RNF130: variants seen among roughly 807,000 people sequenced by gnomAD.
RNF130 encodes E3 ubiquitin-protein ligase RNF130.
In RNF130, 21 loss-of-function variants were observed where a neutral mutation model predicts 44.6. The observed-to-expected ratio is 0.47, with a 90% CI of 0.33 to 0.68. The LOEUF is 0.68. RNF130 is among the 30% of genes least tolerant of loss of function. RNF130 has a pLI of 0.02. For missense variants in RNF130, 479 were observed against 560.6 expected (o/e 0.85, Z 1.47); for synonymous variants, 214 against 210.4 (o/e 1.02, Z -0.15).
intron 1 of RNF130, among the ~76,000 whole-genome samples, chr5:180,052,178 T>C (rs1036023828): frequency 6.6e-6 from 1 of 152,218 alleles, no homozygotes; most frequent in Non-Finnish European, 1.5e-5. Flanking sequence ...TCCACTCCCC[T>C]GCCTTCGACT....
chr5:179,983,333 C>CTTTTT (rs35802224), intron 3 of RNF130, among the ~76,000 whole-genome samples: 3 of 108,398 alleles, frequency 2.8e-5, no homozygotes, highest in Non-Finnish European at 5.6e-5. Context: ...TACAGATGAA[C>CTTTTT]TTTTTTTTTT....
chr5:179,980,248 A>G lies in RNF130; in HGVS notation c.694-48T>C. 2.0e-6 allele frequency: 3 copies of G among 1,523,874 alleles called. No individual in the cohort carries two copies. In the South Asian group the frequency reaches 3.4e-5, roughly 17 times the overall value. 94.4% of individuals were successfully genotyped at this position (1,523,874 alleles called of 1,614,324 possible). A position where few individuals can be genotyped will look rare whatever the true frequency, so the allele number is the denominator to read the frequency against. On this transcript the variant is annotated intron_variant, in intron 3 of 8. Transcript: ENST00000521389. ...CAGATACTAAGTGTAAGATCTCTGA[A>G]TGACGTACTTTATTTTTAAGCAATT...
intron 1 of RNF130, among the ~76,000 whole-genome samples, chr5:180,053,186 G>C (rs956172097): frequency 4.6e-5 from 7 of 151,972 alleles, no homozygotes; most frequent in Non-Finnish European, 8.8e-5. Flanking sequence ...GACAGGATAG[G>C]GCATGGACAG....
intron 7 of RNF130, among the ~76,000 whole-genome samples, chr5:179,944,053 C>G (rs1407049408): frequency 6.6e-6 from 1 of 151,646 alleles, no homozygotes; most frequent in African/African-American, 2.4e-5. Flanking sequence ...CTCACTGCAA[C>G]CTCCGCCTCC....
chr5:179,994,193 G>GGC (rs1208166321), intron 3 of RNF130, among the ~76,000 whole-genome samples: 8 of 151,834 alleles, frequency 5.3e-5, no homozygotes, highest in African/African-American at 1.7e-4. Flanking sequence ...GGCTTATGCG[G>GGC]GCTCTTTTTT....
chr5:179,980,512 T>C lies in RNF130; in HGVS notation c.694-312A>G, dbSNP rs943788843. On this transcript the variant is annotated intron_variant, in intron 3 of 8. Coordinates refer to ENST00000521389, the MANE Select transcript of RNF130 (RefSeq NM_018434.6). ...TTGTGTCGAATAAACATTTGAAACA[T>C]CACAGCACTATCAAACCTACTTCTT... is the stretch of plus-strand genomic sequence containing the variant. 6 of 316,348 alleles carry C rather than the reference T, an allele frequency of 1.9e-5. No individual in the cohort carries two copies. The Admixed American group carries it at 2.6e-4, about 14-fold the overall frequency. 19.6% of individuals were successfully genotyped at this position (316,348 alleles called of 1,614,324 possible). A position where few individuals can be genotyped will look rare whatever the true frequency, so the allele number is the denominator to read the frequency against.
downstream of RNF130, among the ~76,000 whole-genome samples, chr5:179,952,770 C>G (rs1483013043): frequency 1.3e-5 from 2 of 152,142 alleles, no homozygotes; most frequent in African/African-American, 4.8e-5. Context: ...AGACACAAAG[C>G]TTCCGACAGA....
Position 179,973,625 on chromosome 5 carries a change from C to T in RNF130, c.849-3119G>A, listed in dbSNP as rs77174409. ...GCCCCGCCACCTGGCCATTCCCGCACGCCTGACCGCGCTCACCCTCACTAT... is the reference window on the plus strand; with the variant it reads ...GCCCCGCCACCTGGCCATTCCCGCATGCCTGACCGCGCTCACCCTCACTAT... On this transcript the variant is annotated intron_variant, in intron 5 of 8. Transcript: ENST00000521389. 2.8e-4 allele frequency among the ~76,000 whole-genome samples: 43 copies of T among 152,314 alleles called. No individual in the cohort carries two copies. In the East Asian group the frequency reaches 5.4e-3, roughly 19 times the overall value.
chr5:180,063,942 C>T (rs1277026839), intron 1 of RNF130, among the ~76,000 whole-genome samples: 1 of 152,074 alleles, frequency 6.6e-6, no homozygotes, highest in African/African-American at 2.4e-5. Context: ...CAGGAGGGGG[C>T]TGAAAGATAA....
intron 3 of RNF130, among the ~76,000 whole-genome samples, chr5:179,982,100 G>A (rs1003253416): frequency 6.6e-6 from 1 of 151,828 alleles, no homozygotes; most frequent in Non-Finnish European, 1.5e-5. Context: ...ACTTTTTGCT[G>A]TAACAGTCTG....
Position 180,038,629 on chromosome 5 carries a change from C to T in RNF130, c.442+1824G>A, listed in dbSNP as rs535580451. ...TGAGTCCTCTAGGAACATATCTAAA[C>T]AAACTAACATTTCAAGGAACACAGC... On this transcript the variant is annotated intron_variant, in intron 2 of 8. Transcript: ENST00000521389. 2.6e-5 allele frequency among the ~76,000 whole-genome samples: 4 copies of T among 152,152 alleles called. No individual in the cohort carries two copies. The East Asian group carries it at 5.8e-4, about 22-fold the overall frequency.
intron 7 of RNF130, among the ~76,000 whole-genome samples, chr5:179,923,130 A>C (rs1355989218): frequency 2.6e-5 from 4 of 152,202 alleles, no homozygotes; most frequent in Non-Finnish European, 4.4e-5. Flanking sequence ...AAGGTCACTA[A>C]GATTTTCTCG....
chr5:180,015,272 A>G (rs1020414037), intron 2 of RNF130: 1 of 492,016 alleles, frequency 2.0e-6, no homozygotes, highest in Non-Finnish European at 4.4e-6. Flanking sequence ...AATCTCTTAA[A>G]ATGTTGTTCA....
chr5:180,001,528 A>G (rs538420448), intron 3 of RNF130, among the ~76,000 whole-genome samples: 9 of 152,288 alleles, frequency 5.9e-5, no homozygotes, highest in African/African-American at 9.6e-5. Flanking sequence ...ATTAGGGCAT[A>G]ACACTGGCCT....
chr5:180,023,641 T>G (rs950504882), intron 2 of RNF130, among the ~76,000 whole-genome samples: 1 of 152,194 alleles, frequency 6.6e-6, no homozygotes, highest in Non-Finnish European at 1.5e-5. Flanking sequence ...TAGGATAATT[T>G]GAGTAACAGA....
At chr5:180,031,991 T>C (rs1297473895) in intron 2 of RNF130, among the ~76,000 whole-genome samples, 1 of 152,254 alleles carries the variant, frequency 6.6e-6, no homozygotes. Context: ...GTTGTTTTGA[T>C]TGCATTTGTC....
chr5:180,063,261 T>C (rs78193509), intron 1 of RNF130, among the ~76,000 whole-genome samples: 17,884 of 152,282 alleles, frequency 0.12, 1,391 homozygotes, highest in East Asian at 0.21. Flanking sequence ...GAAATGATAG[T>C]TGCCTGAACT....
At chr5:180,041,612 G>A (rs1280439883) in intron 1 of RNF130, among the ~76,000 whole-genome samples, 2 of 152,192 alleles carry the variant, frequency 1.3e-5, no homozygotes, top group Non-Finnish European at 2.9e-5. Flanking sequence ...CAGCCCAGAA[G>A]GGGAGAGAAG....
intron 1 of RNF130, among the ~76,000 whole-genome samples, chr5:180,056,514 TCA>T (rs1764828224): frequency 1.3e-5 from 2 of 152,118 alleles, no homozygotes; most frequent in African/African-American, 4.8e-5. Context: ...GGGAAATGCC[TCA>T]GTTTCTGGCA....
Sources: allele counts gnomAD v4.1 joint callset (sites outside exome capture counted in the v4.1 genomes callset), GRCh38; gene constraint gnomAD v4.1.1; transcripts MANE v1.5; gene names NCBI Gene and HGNC (gene_info 2026-07-23, HGNC 2026-07-21).